Variants in PIGK observed in about 807,000 individuals in gnomAD.
PIGK encodes the protein phosphatidylinositol glycan anchor biosynthesis class K, also known as GPI-anchor transamidase.
Under a neutral mutation model 50.6 loss-of-function variants are expected in PIGK, and 42 were observed. That is an observed-to-expected ratio of 0.83 (90% CI 0.65 to 1.07). The LOEUF (loss-of-function observed/expected upper bound fraction) is 1.07. Ranked by LOEUF, PIGK falls within the 50% of genes least tolerant of loss-of-function variation. PIGK has a pLI of 0.00. For missense variants in PIGK, 448 were observed against 488.7 expected (o/e 0.92, Z 0.78); for synonymous variants, 151 against 156.0 (o/e 0.97, Z 0.24).
At chr1:77,159,064 A>T (rs1655074642) in intron 8 of PIGK, among the ~76,000 whole-genome samples, 1 of 152,060 alleles carries the variant, frequency 6.6e-6, no homozygotes, top group Non-Finnish European at 1.5e-5. Flanking sequence ...CTGTGGATAA[A>T]ATGATTTTGT....
intron 1 of PIGK, among the ~76,000 whole-genome samples, chr1:77,214,130 AAC>A (rs1398274889): frequency 6.6e-6 from 1 of 152,188 alleles, no homozygotes; most frequent in Non-Finnish European, 1.5e-5. Flanking sequence ...ATTCTTCTCA[AAC>A]TATCCCAAAA....
chr1:77,122,460 GA>G lies in PIGK; in HGVS notation c.987-102del, dbSNP rs907939447. On this transcript the variant is annotated intron_variant, in intron 9 of 10. Transcript: ENST00000370812. ...AATATGAAATATAGTAAAATGCATA[GA>G]TTTTTTTTGAAATAATCAGTATTTA... 1.8e-4 allele frequency: 121 copies of G among 672,038 alleles called. No homozygotes were observed. In the African/African-American group the frequency reaches 1.8e-3, roughly 10 times the overall value. 41.6% of individuals were successfully genotyped at this position (672,038 alleles called of 1,614,324 possible).
intron 3 of PIGK, among the ~76,000 whole-genome samples, chr1:77,190,928 C>T (rs1292993295): frequency 6.6e-6 from 1 of 152,168 alleles, no homozygotes; most frequent in Non-Finnish European, 1.5e-5. Flanking sequence ...ATCAGTCTTC[C>T]AATAGCAGGA....
At chr1:77,195,921 T>A (rs1656023988) in intron 3 of PIGK, among the ~76,000 whole-genome samples, 1 of 152,138 alleles carries the variant, frequency 6.6e-6, no homozygotes, top group Admixed American at 6.6e-5. Flanking sequence ...GTACTAATAA[T>A]CCTGCTACCC....
chr1:77,150,107 T>G (rs1654860528), intron 9 of PIGK, among the ~76,000 whole-genome samples: 1 of 151,906 alleles, frequency 6.6e-6, no homozygotes, highest in Non-Finnish European at 1.5e-5. Context: ...AAAAGGAAAG[T>G]TTATAGCAAT....
intron 3 of PIGK, among the ~76,000 whole-genome samples, chr1:77,173,891 G>A (rs1655421545): frequency 6.6e-6 from 1 of 152,198 alleles, no homozygotes; most frequent in African/African-American, 2.4e-5. Context: ...TAATCATGTG[G>A]TGGTACTTTC....
chr1:77,215,666 C>A (rs867489913), intron 1 of PIGK, among the ~76,000 whole-genome samples: 84 of 152,228 alleles, frequency 5.5e-4, no homozygotes, highest in African/African-American at 1.8e-3. Context: ...ATAGCATCAA[C>A]CTGAGTGTCT....
intron 8 of PIGK, among the ~76,000 whole-genome samples, chr1:77,157,796 C>A (rs1655041816): frequency 6.6e-6 from 1 of 152,146 alleles, no homozygotes; most frequent in Non-Finnish European, 1.5e-5. Flanking sequence ...TAGGAGGTAA[C>A]TGAATCATAG....
intron 3 of PIGK, among the ~76,000 whole-genome samples, chr1:77,202,140 A>G (rs146452761): frequency 2.6e-5 from 4 of 152,294 alleles, no homozygotes; most frequent in Non-Finnish European, 5.9e-5. Flanking sequence ...TTAAGAGAAT[A>G]TAAGTAAATG....
chr1:77,099,609 G>A lies in PIGK; in HGVS notation c.1072-7119C>T, dbSNP rs545861079. Among the ~76,000 whole-genome samples the A allele has an allele frequency of 1.1e-4, 17 of 152,166 alleles. No individual in the cohort carries two copies. The South Asian group carries it at 2.9e-3, about 26-fold the overall frequency. On this transcript the variant is annotated intron_variant, in intron 10 of 10. Transcript: ENST00000370812. ...TTTTCAGTATGTGTTTAATGATATC[G>A]CTGACATATGACAACAATGCTATTT...
intron 3 of PIGK, among the ~76,000 whole-genome samples, chr1:77,172,832 G>C (rs898758046): frequency 1.3e-5 from 2 of 152,124 alleles, no homozygotes; most frequent in African/African-American, 4.8e-5. Flanking sequence ...GCTGAGGAAA[G>C]AGAATGGCAT....
intron 9 of PIGK, among the ~76,000 whole-genome samples, chr1:77,140,291 T>TCCTC (rs1263033006): frequency 1.3e-5 from 2 of 151,782 alleles, no homozygotes; most frequent in African/African-American, 4.8e-5. Context: ...ACCCTTGCCT[T>TCCTC]CCTCCCTCCC....
intron 10 of PIGK, among the ~76,000 whole-genome samples, chr1:77,106,608 T>C (rs1363721948): frequency 1.3e-5 from 2 of 152,180 alleles, no homozygotes; most frequent in East Asian, 1.9e-4. Flanking sequence ...ATCTTTCCCA[T>C]GGATAAAGGC....
At chr1:77,173,775 C>T (rs562181002) in intron 3 of PIGK, among the ~76,000 whole-genome samples, 12 of 152,328 alleles carry the variant, frequency 7.9e-5, no homozygotes, top group East Asian at 3.9e-4. Flanking sequence ...CTATTAAAGA[C>T]GGCCCAGCAA....
intron 3 of PIGK, among the ~76,000 whole-genome samples, chr1:77,186,553 A>T (rs149436589): frequency 9.2e-4 from 140 of 152,336 alleles, no homozygotes; most frequent in African/African-American, 3.2e-3. Flanking sequence ...GGGGTCAAAA[A>T]TGTAAAGATA....
At position 77,154,638 on chromosome 1, in the gene PIGK, TA is replaced by T; in HGVS notation, c.814-18del. The T allele has an allele frequency of 6.5e-7, 1 of 1,535,376 alleles. No homozygotes were observed. The highest frequency in any genetic ancestry group is 9.0e-7 in the Non-Finnish European group (1 of 1,114,692). ...TACCTGAAACTGAAAAAATATATAATAATAAATGCATGCATCCACACACATA... is the reference window on the plus strand; with the variant it reads ...TACCTGAAACTGAAAAAATATATAATATAAATGCATGCATCCACACACATA... On this transcript the variant is annotated intron_variant, in intron 8 of 10. Coordinates refer to ENST00000370812, the MANE Select transcript of PIGK (RefSeq NM_005482.3).
chr1:77,181,358 A>G (rs1217110077), intron 3 of PIGK, among the ~76,000 whole-genome samples: 2 of 152,184 alleles, frequency 1.3e-5, no homozygotes, highest in Non-Finnish European at 2.9e-5. Context: ...GTCCTGGACC[A>G]TTAGAGTGTG....
intron 1 of PIGK, among the ~76,000 whole-genome samples, chr1:77,214,254 G>A (rs1016071410): frequency 1.3e-5 from 2 of 152,056 alleles, no homozygotes. Flanking sequence ...GCCAATACCC[G>A]TGATGAACAT....
intron 3 of PIGK, among the ~76,000 whole-genome samples, chr1:77,199,663 C>T (rs1420640519): frequency 1.3e-5 from 2 of 151,340 alleles, no homozygotes; most frequent in Non-Finnish European, 3.0e-5. Flanking sequence ...TCAGTGACCA[C>T]CCTAATCAGA....
Sources: allele counts gnomAD v4.1 joint callset (sites outside exome capture counted in the v4.1 genomes callset), GRCh38; gene constraint gnomAD v4.1.1; transcripts MANE v1.5; gene names NCBI Gene and HGNC (gene_info 2026-07-23, HGNC 2026-07-21).